Variants in GMPS observed in about 807,000 individuals in gnomAD.
The protein encoded by GMPS is guanosine monophosphate synthase, also known as GMP synthase [glutamine-hydrolyzing].
Under a neutral mutation model 77.9 loss-of-function variants are expected in GMPS, and 15 were observed. The observed-to-expected ratio is 0.19, with a 90% CI of 0.13 to 0.30. The LOEUF (loss-of-function observed/expected upper bound fraction) is 0.30. Ranked by LOEUF, GMPS falls within the 10% of genes least tolerant of loss-of-function variation. The pLI is 1.00. For missense variants in GMPS, 590 were observed against 838.8 expected (o/e 0.70, Z 3.66); for synonymous variants, 224 against 275.9 (o/e 0.81, Z 1.86).
chr3:155,914,198 G>A (rs182679736), intron 7 of GMPS, among the ~76,000 whole-genome samples: 11 of 152,004 alleles, frequency 7.2e-5, no homozygotes, highest in Admixed American at 5.9e-4. Context: ...CACCTGTCTC[G>A]GCCTCCCAAA....
In GMPS at chr3:155,935,177, A is replaced by G. The variant is rs934215119; in HGVS notation, c.1807+131A>G. The G allele has an allele frequency of 3.9e-5, 28 of 710,922 alleles. 1 individual carries two copies. The highest frequency in any genetic ancestry group is 6.4e-5 in the Non-Finnish European group (26 of 404,660). 44.0% of individuals were successfully genotyped at this position (710,922 alleles called of 1,614,324 possible). A position where few individuals can be genotyped will look rare whatever the true frequency, so the allele number is the denominator to read the frequency against. On this transcript the variant is annotated intron_variant, in intron 14 of 15. Transcript: ENST00000496455. The stretch of plus-strand genomic sequence containing the variant: ...TATTATTTAAATCTTTGAATGTTCT[A>G]TGATGTTGCTTTTTTTTCTTGAGAC...
At chr3:155,911,731 C>G (rs1755042259) in intron 7 of GMPS, among the ~76,000 whole-genome samples, 1 of 150,990 alleles carries the variant, frequency 6.6e-6, no homozygotes, top group Non-Finnish European at 1.5e-5. Context: ...CCCAGCTACT[C>G]GAGAGGCTGA....
intron 2 of GMPS, among the ~76,000 whole-genome samples, chr3:155,897,470 C>T (rs570017404): frequency 1.3e-5 from 2 of 152,200 alleles, no homozygotes; most frequent in South Asian, 2.1e-4. Context: ...TCTATTCTGC[C>T]GTCTTTTGTT....
intron 1 of GMPS, among the ~76,000 whole-genome samples, chr3:155,890,474 A>G (rs995604777): frequency 2.0e-5 from 3 of 152,156 alleles, no homozygotes; most frequent in Admixed American, 2.0e-4. Flanking sequence ...GTAGGGAAAT[A>G]AAAAAATAGT....
rs1280003142 is a variant in GMPS at position 155,943,663 on chromosome 3, C to T, written c.*5971C>T. The T allele has an allele frequency of 5.7e-6, 1 of 175,596 alleles. No individual in the cohort carries two copies. Among genetic ancestry groups the T allele is most frequent in the Non-Finnish European group, 1.2e-5 (1 of 81,354 alleles). The allele number at this position is 175,596 out of a possible 1,614,324, so 10.9% of individuals were successfully genotyped here. A position where few individuals can be genotyped will look rare whatever the true frequency, so the allele number is the denominator to read the frequency against. On this transcript the variant is annotated 3_prime_UTR_variant, in exon 16 of 16. Transcript: ENST00000496455. Reference sequence around the variant, plus strand: ...TTGTAACAATGTTGCCATAAAATAGCTTTGCTAAATGTGAAATGACTTTAA... The same window carrying T: ...TTGTAACAATGTTGCCATAAAATAGTTTTGCTAAATGTGAAATGACTTTAA...
intron 1 of GMPS, among the ~76,000 whole-genome samples, chr3:155,889,217 C>T (rs1354938551): frequency 1.3e-5 from 2 of 152,198 alleles, no homozygotes; most frequent in African/African-American, 2.4e-5. Flanking sequence ...GGCTCTGTCC[C>T]TGTGCCCCAT....
At chr3:155,935,073 A>T (rs1755729639) in intron 14 of GMPS, 27 bp downstream of exon 14, 2 of 1,541,204 alleles carry the variant, frequency 1.3e-6, no homozygotes, top group South Asian at 2.2e-5. Flanking sequence ...TTTGATTACT[A>T]CCCTCTGAAA....
At chr3:155,935,186 CT>C (rs1242991598) in intron 14 of GMPS, 140 bp downstream of exon 14, 8 of 689,924 alleles carry the variant, frequency 1.2e-5, no homozygotes, top group African/African-American at 3.6e-5. Context: ...TATGATGTTG[CT>C]TTTTTTTCTT....
In GMPS at chr3:155,942,500, T is replaced by C; in HGVS notation, c.*4808T>C. 4.4e-6 allele frequency: 1 copy of C among 226,384 alleles called. No individual in the cohort carries two copies. The highest frequency in any genetic ancestry group is 8.8e-6 in the Non-Finnish European group (1 of 113,732). 14.0% of individuals were successfully genotyped at this position (226,384 alleles called of 1,614,324 possible). On this transcript the variant is annotated 3_prime_UTR_variant, in exon 16 of 16. Transcript: ENST00000496455. Reference sequence around the variant, plus strand: ...CTTTGTCAAACCTATAGGAGAGAGATGCAGGCCATAGAGATGGTCTTGCTG... The same window carrying C: ...CTTTGTCAAACCTATAGGAGAGAGACGCAGGCCATAGAGATGGTCTTGCTG...
chr3:155,915,242 T>G (rs1181909946), intron 8 of GMPS, among the ~76,000 whole-genome samples: 1 of 151,174 alleles, frequency 6.6e-6, no homozygotes, highest in East Asian at 1.9e-4. Context: ...GTTTTTGTTT[T>G]TTTTTTTTTT....
chr3:155,919,887 G>A (rs966844734), intron 10 of GMPS, among the ~76,000 whole-genome samples: 1 of 152,170 alleles, frequency 6.6e-6, no homozygotes, highest in African/African-American at 2.4e-5. Flanking sequence ...TTTAAAGTTA[G>A]GACTGCAAGT....
intron 1 of GMPS, 108 bp downstream of exon 1, chr3:155,871,005 C>T: frequency 1.9e-6 from 2 of 1,029,404 alleles, no homozygotes; most frequent in African/African-American, 1.7e-5. Context: ...AGCCCGTCCG[C>T]GCAGCCCTGC....
chr3:155,899,557 T>A (rs966242019), intron 3 of GMPS, among the ~76,000 whole-genome samples: 1 of 151,906 alleles, frequency 6.6e-6, no homozygotes, highest in Non-Finnish European at 1.5e-5. Flanking sequence ...ATTATCAACA[T>A]CCCACACCAG....
rs896372091 is a variant in GMPS, at chr3:155,939,021, G to A, written c.*1329G>A. On this transcript the variant is annotated 3_prime_UTR_variant, in exon 16 of 16. Coordinates refer to ENST00000496455, the MANE Select transcript of GMPS (RefSeq NM_003875.3). ...GGAATGAAATTTTATTTGGGATTCA[G>A]TGTTAGACAAACAACAAAATGATGC... 5.5e-5 allele frequency: 12 copies of A among 218,844 alleles called. No homozygotes were observed. Among genetic ancestry groups the A allele is most frequent in the African/African-American group, 2.7e-4 (12 of 44,548 alleles). The allele number at this position is 218,844 out of a possible 1,614,324, so 13.6% of individuals were successfully genotyped here.
Position 155,936,420 on chromosome 3 carries a change from A to C in GMPS, c.1890A>C (p.Ser630=). 6.2e-7 allele frequency: 1 copy of C among 1,607,692 alleles called. No individual in the cohort carries two copies. Among genetic ancestry groups the C allele is most frequent in the Non-Finnish European group, 8.5e-7 (1 of 1,174,344 alleles). ...FDRDPLQKQP[S]CQRSVVIRTF... ...GGGACCCACTTCAAAAGCAGCCTTC[A>C]TGCCAGAGATCTGTGGTTATTCGAA... The change falls in exon 15 of 16, where the codon TCA becomes TCC. Residue 630 remains serine (S), a synonymous_variant. Transcript: ENST00000496455.
chr3:155,910,032 C>G (rs1754996145), intron 5 of GMPS, among the ~76,000 whole-genome samples: 1 of 151,038 alleles, frequency 6.6e-6, no homozygotes, highest in South Asian at 2.1e-4. Flanking sequence ...ATTACAAGGT[C>G]AGGAGATCAA....
At chr3:155,880,981 C>G (rs945570487) in intron 1 of GMPS, among the ~76,000 whole-genome samples, 3 of 151,274 alleles carry the variant, frequency 2.0e-5, no homozygotes, top group Non-Finnish European at 4.4e-5. Flanking sequence ...ACAAAGTCAC[C>G]GAGAGATGAC....
chr3:155,885,058 A>T (rs1164969354), intron 1 of GMPS, among the ~76,000 whole-genome samples: 1 of 152,242 alleles, frequency 6.6e-6, no homozygotes, highest in African/African-American at 2.4e-5. Context: ...TAAGGAGGAA[A>T]AATAATTGAA....
At position 155,879,731 on chromosome 3, in the gene GMPS, T is replaced by C. The variant is rs1305592527; in HGVS notation, c.27+8834T>C. On this transcript the variant is annotated intron_variant, in intron 1 of 15. Coordinates refer to ENST00000496455, the MANE Select transcript of GMPS (RefSeq NM_003875.3). Reference sequence around the variant, plus strand: ...ATGTCTGTTCAGGTCTTTTTTGCCCTTTTTTTTTTTTTTTTTTGAGGCGGA... The same window carrying C: ...ATGTCTGTTCAGGTCTTTTTTGCCCCTTTTTTTTTTTTTTTTTGAGGCGGA... 0.013 allele frequency among the ~76,000 whole-genome samples: 97 copies of C among 7,700 alleles called. 4 individuals are homozygous for C. In the South Asian group the frequency reaches 0.17, roughly 14 times the overall value. The allele number at this position is 7,700 out of a possible 152,430, so 5.1% of individuals were successfully genotyped here.
Sources: gnomAD v4.1 joint callset for allele counts (sites outside exome capture counted in the v4.1 genomes callset) on GRCh38, gnomAD v4.1.1 for gene constraint, MANE v1.5 for transcripts, NCBI Gene and HGNC (gene_info 2026-07-23, HGNC 2026-07-21) for gene names.